Variants in ULK4 observed in about 807,000 individuals in gnomAD.
The protein encoded by ULK4 is inactive serine/threonine-protein kinase ULK4.
ULK4 carries 133 observed loss-of-function variants against 160.6 expected under a neutral mutation model. The observed-to-expected ratio is 0.83, with a 90% CI of 0.72 to 0.96. The LOEUF is 0.96. Among genes scored for constraint, ULK4 ranks in the 40% least tolerant of loss-of-function variants. ULK4 has a pLI of 0.00. For missense variants in ULK4, 1,580 were observed against 1,499.5 expected (o/e 1.05, Z -0.89); for synonymous variants, 534 against 539.8 (o/e 0.99, Z 0.15).
At chr3:41,953,132 A>T (rs1209315414) in intron 2 of ULK4, among the ~76,000 whole-genome samples, 1 of 151,970 alleles carries the variant, frequency 6.6e-6, no homozygotes, top group Admixed American at 6.6e-5. Flanking sequence ...TGATAGCTGC[A>T]CAGCAATATG....
At chr3:41,865,697 C>T (rs1411445840) in intron 17 of ULK4, among the ~76,000 whole-genome samples, 1 of 152,102 alleles carries the variant, frequency 6.6e-6, no homozygotes, top group African/African-American at 2.4e-5. Context: ...AGAAGGTGCT[C>T]ATTAAATATT....
At chr3:41,829,386 C>A (rs2041488973) in intron 18 of ULK4, among the ~76,000 whole-genome samples, 1 of 145,862 alleles carries the variant, frequency 6.9e-6, no homozygotes. Context: ...AAAATTTTTG[C>A]AATCCACACA....
intron 16 of ULK4, among the ~76,000 whole-genome samples, chr3:41,884,705 T>C (rs2148772204): frequency 1.3e-5 from 2 of 152,324 alleles, no homozygotes; most frequent in South Asian, 4.1e-4. Flanking sequence ...TAAACCTATG[T>C]GGTACCCATG....
At chr3:41,866,802 C>G (rs1696902970) in intron 17 of ULK4, among the ~76,000 whole-genome samples, 1 of 152,170 alleles carries the variant, frequency 6.6e-6, no homozygotes, top group Non-Finnish European at 1.5e-5. Flanking sequence ...TAATAATGTA[C>G]TAACAGATAT....
At chr3:41,718,393 A>G (rs1280383972) in intron 22 of ULK4, among the ~76,000 whole-genome samples, 1 of 152,164 alleles carries the variant, frequency 6.6e-6, no homozygotes, top group Non-Finnish European at 1.5e-5. Flanking sequence ...CCTGCCTTTT[A>G]AAGCTAACTT....
intron 32 of ULK4, among the ~76,000 whole-genome samples, chr3:41,495,765 A>G (rs897755900): frequency 3.3e-5 from 5 of 151,922 alleles, no homozygotes; most frequent in East Asian, 3.9e-4. Flanking sequence ...AAAAGTGGGC[A>G]AAGGATATGA....
chr3:41,858,208 C>T lies in ULK4; in HGVS notation c.1657-22237G>A, dbSNP rs1349799113. On this transcript the variant is annotated intron_variant, in intron 17 of 36. Transcript: ENST00000301831. The stretch of plus-strand genomic sequence containing the variant: ...CTTTGTCGCCCAGGCTGGAGTGCAG[C>T]GGTGTGATCTTGGCTTACTGCAAGC... 6.8e-5 allele frequency among the ~76,000 whole-genome samples: 9 copies of T among 132,056 alleles called. No individual in the cohort carries two copies. The South Asian group carries it at 1.6e-3, about 24-fold the overall frequency. 86.6% of individuals were successfully genotyped at this position (132,056 alleles called of 152,430 possible). A position where few individuals can be genotyped will look rare whatever the true frequency, so the allele number is the denominator to read the frequency against.
intron 30 of ULK4, among the ~76,000 whole-genome samples, chr3:41,650,127 G>T (rs985301920): frequency 2.0e-5 from 3 of 152,158 alleles, no homozygotes; most frequent in Non-Finnish European, 4.4e-5. Flanking sequence ...CCTGTGGAGA[G>T]GAGCTACCCA....
intron 32 of ULK4, among the ~76,000 whole-genome samples, chr3:41,479,412 T>C (rs968446920): frequency 2.6e-5 from 4 of 152,214 alleles, no homozygotes; most frequent in Non-Finnish European, 4.4e-5. Flanking sequence ...TATTGGAATA[T>C]GAACTGGATC....
chr3:41,385,189 T>C (rs1416060915), intron 35 of ULK4, among the ~76,000 whole-genome samples: 4 of 152,190 alleles, frequency 2.6e-5, no homozygotes, highest in African/African-American at 9.7e-5. Context: ...AACACATACA[T>C]ACAACAGAAA....
In ULK4 at chr3:41,246,884, G is replaced by T; in HGVS notation, c.*45C>A. The T allele has an allele frequency of 6.2e-7, 1 of 1,604,400 alleles. No homozygotes were observed. On this transcript the variant is annotated 3_prime_UTR_variant, in exon 37 of 37. Coordinates refer to ENST00000301831, the MANE Select transcript of ULK4 (RefSeq NM_017886.4). Reference sequence around the variant, plus strand: ...GGGAGCTGACCTTGCTTATGCATCCGAGGGCTGGGGCCACAGGGCGGGCTT... The same window carrying T: ...GGGAGCTGACCTTGCTTATGCATCCTAGGGCTGGGGCCACAGGGCGGGCTT...
intron 32 of ULK4, among the ~76,000 whole-genome samples, chr3:41,512,595 C>G (rs987764271): frequency 3.9e-5 from 6 of 152,250 alleles, no homozygotes; most frequent in Non-Finnish European, 8.8e-5. Context: ...ACAAGGAAAA[C>G]TACAAAACAC....
chr3:41,284,292 G>C (rs1205905827), intron 35 of ULK4, among the ~76,000 whole-genome samples: 1 of 152,080 alleles, frequency 6.6e-6, no homozygotes, highest in Non-Finnish European at 1.5e-5. Flanking sequence ...GCCAAAGCAA[G>C]ATTAAGCAAA....
At chr3:41,512,722 G>A (rs1057507258) in intron 32 of ULK4, among the ~76,000 whole-genome samples, 3 of 152,072 alleles carry the variant, frequency 2.0e-5, no homozygotes, top group African/African-American at 7.2e-5. Flanking sequence ...TAAATTCAAC[G>A]TAATTCCTCA....
At chr3:41,845,123 G>A (rs1368503423) in intron 17 of ULK4, among the ~76,000 whole-genome samples, 3 of 151,948 alleles carry the variant, frequency 2.0e-5, no homozygotes, top group Non-Finnish European at 2.9e-5. Flanking sequence ...CCACCACCAC[G>A]CCCGGCTAAT....
At chr3:41,814,471 G>C (rs2040907500) in intron 19 of ULK4, among the ~76,000 whole-genome samples, 1 of 152,082 alleles carries the variant, frequency 6.6e-6, no homozygotes, top group South Asian at 2.1e-4. Context: ...GGTGAGTTCT[G>C]TCACTTTGGA....
At chr3:41,297,572 T>G (rs2079694970) in intron 35 of ULK4, among the ~76,000 whole-genome samples, 1 of 152,214 alleles carries the variant, frequency 6.6e-6, no homozygotes, top group East Asian at 1.9e-4. Flanking sequence ...ACACACAGAT[T>G]TCCAGGTGCC....
intron 34 of ULK4, among the ~76,000 whole-genome samples, chr3:41,406,755 C>T (rs941019318): frequency 1.8e-4 from 27 of 152,042 alleles, no homozygotes; most frequent in Non-Finnish European, 2.8e-4. Flanking sequence ...ATTTTACTCC[C>T]TGATTTATTA....
At chr3:41,855,840 G>T (rs1210346140) in intron 17 of ULK4, among the ~76,000 whole-genome samples, 3 of 151,958 alleles carry the variant, frequency 2.0e-5, no homozygotes, top group Non-Finnish European at 4.4e-5. Flanking sequence ...GGTTCCCAAG[G>T]ATTACTAACT....
Sources: gnomAD v4.1 joint callset for allele counts (sites outside exome capture counted in the v4.1 genomes callset) on GRCh38, gnomAD v4.1.1 for gene constraint, MANE v1.5 for transcripts, NCBI Gene and HGNC (gene_info 2026-07-23, HGNC 2026-07-21) for gene names.